MRTFA: variants seen among roughly 807,000 people sequenced by gnomAD.
MRTFA encodes myocardin-related transcription factor A.
In MRTFA, 20 loss-of-function variants were observed where a neutral mutation model predicts 83.5. That is an observed-to-expected ratio of 0.24 (90% CI 0.17 to 0.35). The LOEUF is 0.35. Among genes scored for constraint, MRTFA ranks in the 10% least tolerant of loss-of-function variants. The probability of loss-of-function intolerance (pLI) is 1.00; values close to 1 mark genes in which losing one functional copy is unlikely to be tolerated. For synonymous variants in MRTFA, 659 were observed against 541.2 expected, an observed-to-expected ratio of 1.22 and a Z score of -3.02; for missense variants, 1,200 against 1,224.7, an observed-to-expected ratio of 0.98 and a Z score of 0.30.
intron 1 of MRTFA, among the ~76,000 whole-genome samples, chr22:40,599,287 A>C (rs1436498712): frequency 2.0e-5 from 3 of 152,138 alleles, no homozygotes; most frequent in Admixed American, 1.3e-4. Flanking sequence ...AACAAGAACG[A>C]AACTCCGTCT....
chr22:40,413,165 G>A (rs1395098102), intron 14 of MRTFA, among the ~76,000 whole-genome samples: 36 of 122,042 alleles, frequency 2.9e-4, no homozygotes, highest in African/African-American at 8.7e-4. Context: ...AAAAAAAAAA[G>A]GTTATGATGG....
intron 3 of MRTFA, among the ~76,000 whole-genome samples, chr22:40,481,686 A>C (rs750583135): frequency 2.0e-5 from 3 of 152,146 alleles, no homozygotes; most frequent in African/African-American, 4.8e-5. Flanking sequence ...AATGATCTGG[A>C]GAGTATTCCA....
At chr22:40,582,438 G>T (rs571218276) in intron 2 of MRTFA, among the ~76,000 whole-genome samples, 1 of 152,256 alleles carries the variant, frequency 6.6e-6, no homozygotes, top group South Asian at 2.1e-4. Context: ...ATAACGATGA[G>T]AAGAATTGCT....
Position 40,610,932 on chromosome 22 carries a change from CTTTTT to C in MRTFA, c.-83-16202_-83-16198del, listed in dbSNP as rs746175814. On this transcript the variant is annotated intron_variant, in intron 1 of 14. Transcript: ENST00000355630. ...CACCAAAGAGAGTTGTTTTCTTTTA[CTTTTT>C]TTTTTTTTTTTTTTTTTTGAGATAG... is the stretch of plus-strand genomic sequence containing the variant. 8.3e-5 allele frequency among the ~76,000 whole-genome samples: 9 copies of C among 108,338 alleles called. No homozygotes were observed. In the East Asian group the frequency reaches 1.9e-3, roughly 23 times the overall value. 71.1% of individuals were successfully genotyped at this position (108,338 alleles called of 152,430 possible).
chr22:40,463,489 A>G (rs2053753117), intron 3 of MRTFA: 2 of 541,830 alleles, frequency 3.7e-6, no homozygotes, highest in Non-Finnish European at 6.6e-6. Context: ...GGTGAGAGGA[A>G]GTTGCGAAGG....
At chr22:40,560,728 A>T (rs556820627) in intron 2 of MRTFA, among the ~76,000 whole-genome samples, 2 of 152,188 alleles carry the variant, frequency 1.3e-5, no homozygotes, top group Admixed American at 6.5e-5. Flanking sequence ...GAACAAAAAC[A>T]GCATGGGGGC....
At chr22:40,530,328 G>A (rs562980034) in intron 3 of MRTFA, among the ~76,000 whole-genome samples, 6 of 152,210 alleles carry the variant, frequency 3.9e-5, no homozygotes, top group South Asian at 2.1e-4. Context: ...GCAGGGTCTC[G>A]CTCTGTCGCC....
intron 3 of MRTFA, among the ~76,000 whole-genome samples, chr22:40,520,577 T>C (rs2054848766): frequency 6.6e-6 from 1 of 152,074 alleles, no homozygotes; most frequent in South Asian, 2.1e-4. Context: ...GGCTAATTTT[T>C]CTGTATTTTT....
At chr22:40,604,514 C>T (rs535605091) in intron 1 of MRTFA, among the ~76,000 whole-genome samples, 68 of 151,840 alleles carry the variant, frequency 4.5e-4, no homozygotes, top group African/African-American at 1.5e-3. Flanking sequence ...TTTGGGAGAC[C>T]GAGGTGGGCA....
intron 2 of MRTFA, among the ~76,000 whole-genome samples, chr22:40,555,797 T>G (rs1433984393): frequency 6.6e-6 from 1 of 151,710 alleles, no homozygotes; most frequent in Non-Finnish European, 1.5e-5. Flanking sequence ...CCACCATGCC[T>G]GGCTAAATTT....
Position 40,411,887 on chromosome 22 carries a change from C to G in MRTFA, c.2599G>C (p.Glu867Gln), listed in dbSNP as rs866791114. Residue 867 changes from glutamate to glutamine, a missense_variant, in exon 15 of 15, where the codon GAG becomes CAG. Physicochemically the swap from Glu to Gln is conservative, Grantham distance 29. Around this residue, in one of 2 missense-constraint regions of MRTFA, gnomAD observed 1,107 missense variants for 1,041.8 expected, o/e 1.06. Transcript: ENST00000355630. ...TCCTTCCCTGGCAGGGATGGCGGCT[C>G]CTTGAAATCTGCTGAAATTTCTGCC... is the stretch of plus-strand genomic sequence containing the variant. 4.1e-6 allele frequency: 6 copies of G among 1,477,974 alleles called. No individual in the cohort carries two copies. The Middle Eastern group carries it at 1.1e-3, about 271-fold the overall frequency. 91.6% of individuals were successfully genotyped at this position (1,477,974 alleles called of 1,614,324 possible). A position where few individuals can be genotyped will look rare whatever the true frequency, so the allele number is the denominator to read the frequency against.
chr22:40,505,937 T>C (rs113489755), intron 3 of MRTFA, among the ~76,000 whole-genome samples: 41 of 152,316 alleles, frequency 2.7e-4, no homozygotes, highest in African/African-American at 9.4e-4. Flanking sequence ...ATAGATTATA[T>C]TATTAAAGTG....
chr22:40,415,736 G>C (rs867155562), intron 14 of MRTFA, among the ~76,000 whole-genome samples: 3 of 151,846 alleles, frequency 2.0e-5, no homozygotes, highest in Non-Finnish European at 4.4e-5. Flanking sequence ...CTCTGCAGGG[G>C]AACCTCCCAG....
At chr22:40,618,817 G>C (rs1025815620) in intron 1 of MRTFA, among the ~76,000 whole-genome samples, 3 of 152,030 alleles carry the variant, frequency 2.0e-5, no homozygotes, top group Admixed American at 6.6e-5. Flanking sequence ...ACAAAAATTA[G>C]CTGGGTGTGG....
chr22:40,418,281 A>G, intron 12 of MRTFA, 93 bp downstream of exon 12: 3 of 1,523,222 alleles, frequency 2.0e-6, no homozygotes, highest in Non-Finnish European at 2.6e-6. Context: ...CAAAATGTCC[A>G]GCACGAGGGG....
At chr22:40,534,873 T>C (rs929213504) in intron 3 of MRTFA, among the ~76,000 whole-genome samples, 1 of 152,150 alleles carries the variant, frequency 6.6e-6, no homozygotes, top group Non-Finnish European at 1.5e-5. Flanking sequence ...AATGCTTACA[T>C]AGTAAACAAA....
intron 2 of MRTFA, among the ~76,000 whole-genome samples, chr22:40,590,680 G>GAAAAAAA (rs56366993): frequency 1.2e-5 from 1 of 81,362 alleles, no homozygotes; most frequent in Admixed American, 1.4e-4. Flanking sequence ...CTCAAAAAAA[G>GAAAAAAA]AAAAAAAAAA....
intron 3 of MRTFA, chr22:40,526,571 T>G (rs1056311341): frequency 3.3e-5 from 5 of 152,204 alleles, no homozygotes; most frequent in Admixed American, 1.3e-4. Flanking sequence ...TAGACGAGTA[T>G]AAGGACTGTG....
intron 4 of MRTFA, among the ~76,000 whole-genome samples, chr22:40,453,770 G>A (rs377717993): frequency 2.6e-5 from 4 of 152,076 alleles, no homozygotes; most frequent in East Asian, 3.8e-4. Flanking sequence ...GGGGATGGAG[G>A]ACAGATCACT....
Sources: gnomAD v4.1 joint callset for allele counts (sites outside exome capture counted in the v4.1 genomes callset) on GRCh38, gnomAD v4.1.1 for gene constraint, gnomAD v4.1.1 regional missense constraint, MANE v1.5 for transcripts, NCBI Gene and HGNC (gene_info 2026-07-23, HGNC 2026-07-21) for gene names.